Variants in ARHGAP42 observed in about 807,000 individuals in gnomAD.
The protein encoded by ARHGAP42 is Rho GTPase activating protein 42.
Under a neutral mutation model 125.0 loss-of-function variants are expected in ARHGAP42, and 63 were observed. The ratio of observed to expected loss-of-function variants is 0.50; its 90% CI spans 0.41 to 0.62. The LOEUF is 0.62. Among genes scored for constraint, ARHGAP42 ranks in the 20% least tolerant of loss-of-function variants. The probability of loss-of-function intolerance (pLI) is 0.00; values close to 1 mark genes in which losing one functional copy is unlikely to be tolerated. For synonymous variants in ARHGAP42, 339 were observed against 351.0 expected, an observed-to-expected ratio of 0.97 and a Z score of 0.38; for missense variants, 766 against 1,024.2, an observed-to-expected ratio of 0.75 and a Z score of 3.44.
chr11:100,907,786 T>C (rs1866782684), intron 4 of ARHGAP42, among the ~76,000 whole-genome samples: 2 of 152,106 alleles, frequency 1.3e-5, no homozygotes, highest in South Asian at 4.1e-4. Context: ...AGAAGTCTAA[T>C]TAGGGGTGGT....
At chr11:100,723,530 T>C (rs747266850) in intron 1 of ARHGAP42, among the ~76,000 whole-genome samples, 8 of 152,186 alleles carry the variant, frequency 5.3e-5, no homozygotes, top group Non-Finnish European at 1.0e-4. Flanking sequence ...TTTTTTTCTT[T>C]ATGGTGAAAT....
At chr11:100,898,520 C>A (rs1866425842) in intron 4 of ARHGAP42, among the ~76,000 whole-genome samples, 1 of 152,108 alleles carries the variant, frequency 6.6e-6, no homozygotes, top group Non-Finnish European at 1.5e-5. Flanking sequence ...AATTTCAGAG[C>A]CTGTTATTGG....
At position 100,948,521 on chromosome 11, in the gene ARHGAP42, G is replaced by A; in HGVS notation, c.1108G>A (p.Asp370Asn). 1 of 1,549,908 alleles carries A rather than the reference G, an allele frequency of 6.5e-7. No individual in the cohort carries two copies. Among genetic ancestry groups the A allele is most frequent in the Non-Finnish European group, 8.7e-7 (1 of 1,145,744 alleles). ...TAGGAAACTCTGGCTTGAAGCCATG[G>A]ATGGGAAGGAACCGGTAAGACTATG... ...ANRKLWLEAM[D>N]GKEPIYTLPA... The change falls in exon 11 of 24, where the codon GAT becomes AAT. Residue 370 changes from aspartate (D) to asparagine (N), a missense_variant. Asp to Asn is a conservative substitution (Grantham distance 23). Coordinates refer to ENST00000298815, the MANE Select transcript of ARHGAP42 (RefSeq NM_152432.4).
intron 3 of ARHGAP42, among the ~76,000 whole-genome samples, chr11:100,833,371 A>G (rs776116214): frequency 8.5e-5 from 13 of 152,342 alleles, no homozygotes; most frequent in Middle Eastern, 3.4e-3. Flanking sequence ...AATGCTGTAT[A>G]ACAAACCAAT....
chr11:100,985,143 G>A (rs1213823960), intron 22 of ARHGAP42, among the ~76,000 whole-genome samples: 1 of 152,132 alleles, frequency 6.6e-6, no homozygotes, highest in African/African-American at 2.4e-5. Flanking sequence ...ATACAAGTAA[G>A]GAGAACATAT....
intron 1 of ARHGAP42, among the ~76,000 whole-genome samples, chr11:100,722,511 CT>C (rs1861777834): frequency 6.6e-6 from 1 of 151,822 alleles, no homozygotes; most frequent in African/African-American, 2.4e-5. Context: ...CTGCCTCAGC[CT>C]CCCGAGTAGC....
intron 1 of ARHGAP42, among the ~76,000 whole-genome samples, chr11:100,741,670 C>T (rs1439679831): frequency 6.6e-6 from 1 of 152,154 alleles, no homozygotes; most frequent in African/African-American, 2.4e-5. Flanking sequence ...AGAGGACATG[C>T]GTTACTTAGA....
chr11:100,992,150 A>T lies in ARHGAP42; in HGVS notation c.*3349A>T. The T allele has an allele frequency of 2.6e-6, 2 of 772,780 alleles. No individual in the cohort carries two copies. The highest frequency in any genetic ancestry group is 4.0e-6 in the Non-Finnish European group (2 of 499,028). 47.9% of individuals were successfully genotyped at this position (772,780 alleles called of 1,614,324 possible). Reference sequence around the variant, plus strand: ...CAGAGCTTTGCCTCAAGCAATTTCAAATTGTAGTGATACCTTAAATCATGT... The same window carrying T: ...CAGAGCTTTGCCTCAAGCAATTTCATATTGTAGTGATACCTTAAATCATGT... On this transcript the variant is annotated 3_prime_UTR_variant, in exon 24 of 24. Transcript: ENST00000298815.
chr11:100,800,662 A>G (rs995668125), intron 3 of ARHGAP42, among the ~76,000 whole-genome samples: 1 of 152,182 alleles, frequency 6.6e-6, no homozygotes. Context: ...TCTTTTGGCC[A>G]TGTTTCTGTT....
At chr11:100,849,173 A>G (rs749159282) in intron 3 of ARHGAP42, among the ~76,000 whole-genome samples, 34 of 152,140 alleles carry the variant, frequency 2.2e-4, no homozygotes, top group Non-Finnish European at 4.4e-4. Context: ...TAATTTTTTT[A>G]ATGTTGTTTG....
intron 4 of ARHGAP42, among the ~76,000 whole-genome samples, chr11:100,864,837 A>T (rs1865530982): frequency 6.6e-6 from 1 of 152,206 alleles, no homozygotes; most frequent in Non-Finnish European, 1.5e-5. Context: ...AACCAAGCAT[A>T]GTTAATACGT....
chr11:100,912,629 T>C (rs558372896), intron 4 of ARHGAP42, among the ~76,000 whole-genome samples: 1 of 152,292 alleles, frequency 6.6e-6, no homozygotes, highest in South Asian at 2.1e-4. Context: ...ATACAACATT[T>C]ATAGTAGTAG....
intron 1 of ARHGAP42, among the ~76,000 whole-genome samples, chr11:100,743,159 C>T (rs1862224330): frequency 6.6e-6 from 1 of 152,072 alleles, no homozygotes; most frequent in Non-Finnish European, 1.5e-5. Context: ...GTTTTATAGG[C>T]CCTGTGAGTT....
intron 16 of ARHGAP42, among the ~76,000 whole-genome samples, chr11:100,964,128 G>T (rs1171838572): frequency 6.6e-6 from 1 of 151,934 alleles, no homozygotes; most frequent in African/African-American, 2.4e-5. Context: ...AGGTTATTTG[G>T]TTTCAAGCAG....
At chr11:100,922,089 A>T (rs1346823887) in intron 6 of ARHGAP42, among the ~76,000 whole-genome samples, 1 of 152,256 alleles carries the variant, frequency 6.6e-6, no homozygotes, top group East Asian at 1.9e-4. Context: ...AAGTGTATTA[A>T]TTAAAGAAAT....
intron 3 of ARHGAP42, among the ~76,000 whole-genome samples, chr11:100,806,498 A>G (rs946404458): frequency 1.8e-4 from 27 of 152,126 alleles, no homozygotes; most frequent in African/African-American, 6.5e-4. Context: ...AAAACGGATT[A>G]TGTTTCTGGT....
rs545090006 is a variant in ARHGAP42 at position 100,962,344 on chromosome 11, CTT to C, written c.1386-64_1386-63del. On this transcript the variant is annotated intron_variant, in intron 15 of 23. Transcript: ENST00000298815. ...CAGTCACCTAATTCTTAAAGAAACA[CTT>C]AACGTTTAGGGGAGAATAAAAGATT... 570 of 1,295,132 alleles carry C rather than the reference CTT, an allele frequency of 4.4e-4. 1 individual carries two copies. The highest frequency in any genetic ancestry group is 5.7e-4 in the Non-Finnish European group (533 of 931,326). The allele number at this position is 1,295,132 out of a possible 1,614,324, so 80.2% of individuals were successfully genotyped here. A position where few individuals can be genotyped will look rare whatever the true frequency, so the allele number is the denominator to read the frequency against.
At chr11:100,934,041 C>T (rs551578554) in intron 7 of ARHGAP42, among the ~76,000 whole-genome samples, 1 of 152,292 alleles carries the variant, frequency 6.6e-6, no homozygotes, top group East Asian at 1.9e-4. Context: ...CCCGCCACGG[C>T]CTCCCAAGTG....
chr11:100,930,561 A>C (rs1439110248), intron 6 of ARHGAP42, among the ~76,000 whole-genome samples: 1 of 152,172 alleles, frequency 6.6e-6, no homozygotes, highest in Non-Finnish European at 1.5e-5. Flanking sequence ...GTCTGCTACT[A>C]AGTGAATCTG....
Sources: gnomAD v4.1 joint callset for allele counts (sites outside exome capture counted in the v4.1 genomes callset) on GRCh38, gnomAD v4.1.1 for gene constraint, MANE v1.5 for transcripts, NCBI Gene and HGNC (gene_info 2026-07-23, HGNC 2026-07-21) for gene names.